Variants in CYP2S1 observed in about 807,000 individuals in gnomAD.
CYP2S1 encodes cytochrome P450 2S1.
CYP2S1 carries 32 observed loss-of-function variants against 43.5 expected under a neutral mutation model. The observed-to-expected ratio is 0.74, with a 90% confidence interval of 0.56 to 0.99. CYP2S1 has a LOEUF of 0.99. Ranked by LOEUF, CYP2S1 falls within the 50% of genes least tolerant of loss-of-function variation. The pLI is 0.00. For synonymous variants in CYP2S1, 283 were observed against 302.9 expected (o/e 0.93, Z 0.68); for missense variants, 575 against 673.9 (o/e 0.85, Z 1.62).
chr19:41,199,166 C>T (rs1263234048), intron 5 of CYP2S1, among the ~76,000 whole-genome samples: 1 of 152,098 alleles, frequency 6.6e-6, no homozygotes, highest in African/African-American at 2.4e-5. Context: ...CTCCCTCCCA[C>T]CTCGGCCCTT....
At chr19:41,195,377 G>C (rs937738929) in intron 2 of CYP2S1, among the ~76,000 whole-genome samples, 1 of 152,142 alleles carries the variant, frequency 6.6e-6, no homozygotes, top group Non-Finnish European at 1.5e-5. Context: ...GGTGCTGCCA[G>C]GAACTCAGTA....
At chr19:41,194,437 G>A in intron 1 of CYP2S1, 107 bp from the exon 2 acceptor site, 1 of 1,388,060 alleles carries the variant, frequency 7.2e-7, no homozygotes, top group Non-Finnish European at 9.6e-7. Context: ...CTGGTAGAGG[G>A]CGTAGAAGCT....
At position 41,193,414 on chromosome 19, in the gene CYP2S1, C is replaced by T. The variant is rs77508431; in HGVS notation, c.150C>T (p.Pro50=). The T allele has an allele frequency of 5.0e-5, 75 of 1,500,788 alleles. No individual in the cohort carries two copies. The East Asian group carries it at 1.8e-3, about 36-fold the overall frequency. The allele number at this position is 1,500,788 out of a possible 1,614,324, so 93.0% of individuals were successfully genotyped here. A position where few individuals can be genotyped will look rare whatever the true frequency, so the allele number is the denominator to read the frequency against. Residue 50 remains proline, a synonymous_variant, in exon 1 of 9, where the codon CCC becomes CCT. Transcript: ENST00000310054. ...PLLGNLLQLR[P]GALYSGLMRL... ...TGGGAAACCTCCTGCAGCTACGGCC[C>T]GGGGCGCTGTATTCAGGGCTCATGC...
chr19:41,195,114 T>TCAAA (rs950549790), intron 2 of CYP2S1, among the ~76,000 whole-genome samples: 3 of 152,074 alleles, frequency 2.0e-5, no homozygotes, highest in African/African-American at 7.2e-5. Context: ...AGCCTCCATC[T>TCAAA]CAAACAAACA....
In CYP2S1 at chr19:41,193,394, A is replaced by G; in HGVS notation, c.130A>G (p.Asn44Asp). The change falls in exon 1 of 9, where the codon AAC (asparagine) becomes GAC (aspartate). Residue 44 changes from asparagine to aspartate, a missense_variant. Asn to Asp is a conservative substitution (Grantham distance 23). Around this residue, in one of 2 missense-constraint regions of CYP2S1, gnomAD observed 353 missense variants for 367.6 expected, o/e 0.96. Transcript: ENST00000310054. ...PGPTPLPLLGNLLQLRPGALY... is the reference protein window; with the variant it reads ...PGPTPLPLLGDLLQLRPGALY... ...GCCCACGCCGCTACCACTGCTGGGAAACCTCCTGCAGCTACGGCCCGGGGC... is the reference window on the plus strand; with the variant it reads ...GCCCACGCCGCTACCACTGCTGGGAGACCTCCTGCAGCTACGGCCCGGGGC... 2 of 1,524,308 alleles carry G rather than the reference A, an allele frequency of 1.3e-6. No individual in the cohort carries two copies. The highest frequency in any genetic ancestry group is 2.1e-5 in the Admixed American group (1 of 47,782). 94.4% of individuals were successfully genotyped at this position (1,524,308 alleles called of 1,614,324 possible).
chr19:41,206,527 G>A lies in CYP2S1; in HGVS notation c.*39G>A, dbSNP rs775924089. The A allele has an allele frequency of 6.2e-7, 1 of 1,611,218 alleles. No homozygotes were observed. The highest frequency in any genetic ancestry group is 8.5e-7 in the Non-Finnish European group (1 of 1,177,682). ...GGAAGTGGTGGGTGCCCAGGACGGT[G>A]CCTCCAGCCTCAACAGTGGGCATGG... On this transcript the variant is annotated 3_prime_UTR_variant, in exon 9 of 9. Transcript: ENST00000310054.
intron 8 of CYP2S1, 77 bp downstream of exon 8, chr19:41,206,176 C>T (rs2033574275): frequency 6.2e-7 from 1 of 1,608,182 alleles, no homozygotes; most frequent in African/African-American, 1.3e-5. Flanking sequence ...GGGCACCCTT[C>T]TGCACCCTGG....
Position 41,206,298 on chromosome 19 carries a change from G to A in CYP2S1, c.1325G>A (p.Gly442Glu). The change falls in exon 9 of 9, where the codon GGA becomes GAA. Residue 442 changes from glycine (G) to glutamate (E), a missense_variant. By Grantham distance (98) the Gly-to-Glu change is moderately conservative (BLOSUM62 -2). Transcript: ENST00000310054. Reference sequence around the variant, plus strand: ...TCACCAGGGAAGCGTGTCTGCCTTGGAGAGGGCCTGGCAAAAGCGGAGCTC... The same window carrying A: ...TCACCAGGGAAGCGTGTCTGCCTTGAAGAGGGCCTGGCAAAAGCGGAGCTC... The part of the protein sequence containing the change: ...PFSLGKRVCL[G>E]EGLAKAELFL... 1 of 1,614,076 alleles carries A rather than the reference G, an allele frequency of 6.2e-7. No homozygotes were observed. Among genetic ancestry groups the A allele is most frequent in the Non-Finnish European group, 8.5e-7 (1 of 1,180,014 alleles).
chr19:41,201,433 A>G (rs1599714505), intron 6 of CYP2S1, 61 bp downstream of exon 6: 1 of 1,576,296 alleles, frequency 6.3e-7, no homozygotes, highest in East Asian at 2.3e-5. Flanking sequence ...AGGCTGAGCA[A>G]GGTGGCTCAC....
Position 41,198,502 on chromosome 19 carries a change from C to T in CYP2S1, c.534C>T (p.Thr178=). ...FDPSLLLAQA[T]SNVVCSLLFG... is the part of the protein sequence containing the mutation. ...CCTCCCTGCTGCTGGCCCAGGCCAC[C>T]TCCAACGTAGTCTGCTCCCTCCTCT... The change falls in exon 4 of 9, where the codon ACC becomes ACT. Residue 178 remains threonine (T), a synonymous_variant. Coordinates refer to ENST00000310054, the MANE Select transcript of CYP2S1 (RefSeq NM_030622.8). The surrounding 1 kb of genome is among the most constrained non-coding windows in gnomAD (Gnocchi z 4.9). The T allele has an allele frequency of 6.2e-7, 1 of 1,614,126 alleles. No individual in the cohort carries two copies. Among genetic ancestry groups the T allele is most frequent in the Non-Finnish European group, 8.5e-7 (1 of 1,180,002 alleles).
intron 1 of CYP2S1, 94 bp from the exon 2 acceptor site, chr19:41,194,447 TAGA>T: frequency 6.9e-7 from 1 of 1,440,488 alleles, no homozygotes; most frequent in Non-Finnish European, 9.2e-7. Flanking sequence ...GCGTAGAAGC[TAGA>T]CCCGGTGGCT....
intron 5 of CYP2S1, among the ~76,000 whole-genome samples, chr19:41,199,773 T>G (rs1448253264): frequency 6.6e-6 from 1 of 151,746 alleles, no homozygotes; most frequent in Non-Finnish European, 1.5e-5. Flanking sequence ...GAGACCAGCC[T>G]GACCAACATG....
chr19:41,205,342 T>TTTTTTTCTTTCTTTCTTTCTTTCTTTC (rs1555727534), intron 7 of CYP2S1, among the ~76,000 whole-genome samples: 1 of 111,654 alleles, frequency 9.0e-6, no homozygotes, highest in African/African-American at 4.6e-5. Flanking sequence ...TTCTTTCTTT[T>TTTTTTTCTTTCTTTCTTTCTTTCTTTC]TTTCTTTCTT....
rs111844943 is a variant in CYP2S1 at position 41,193,479 on chromosome 19, G to A, written c.177+38G>A. 1.1e-3 allele frequency: 1,473 copies of A among 1,397,726 alleles called. 19 individuals are homozygous for A. In the African/African-American group the frequency reaches 0.02, roughly 19 times the overall value. 86.6% of individuals were successfully genotyped at this position (1,397,726 alleles called of 1,614,324 possible). A position where few individuals can be genotyped will look rare whatever the true frequency, so the allele number is the denominator to read the frequency against. On this transcript the variant is annotated intron_variant, in intron 1 of 8. Coordinates refer to ENST00000310054, the MANE Select transcript of CYP2S1 (RefSeq NM_030622.8). ...GGGGACGTCCTGGCTAGGGGTGGGA[G>A]GATTCCTGGGAGAGAAACCCGAGTG...
Position 41,193,328 on chromosome 19 carries a change from G to T in CYP2S1, c.64G>T (p.Ala22Ser). The change falls in exon 1 of 9, where the codon GCG becomes TCG. Residue 22 changes from alanine (A) to serine (S), a missense_variant. Transcript: ENST00000310054. ...GGCGCTGCTCCTGCTGCTGACGCTG[G>T]CGCTGTCCGGGACCAGGGCCCGAGG... ...ALALLLLLTL[A>S]LSGTRARGHL... 4.5e-6 allele frequency: 7 copies of T among 1,541,222 alleles called. No homozygotes were observed. The highest frequency in any genetic ancestry group is 5.2e-6 in the Non-Finnish European group (6 of 1,143,628).
intron 7 of CYP2S1, 51 bp downstream of exon 7, chr19:41,203,688 C>G: frequency 6.9e-7 from 1 of 1,448,944 alleles, no homozygotes; most frequent in Non-Finnish European, 9.1e-7. Context: ...GGGGCCTGAG[C>G]CCGGGTGGTT....
chr19:41,198,563 C>T lies in CYP2S1; in HGVS notation c.595C>T (p.Gln199Ter), dbSNP rs181918511. 7.5e-5 allele frequency: 121 copies of T among 1,614,208 alleles called. 1 individual carries two copies. The highest frequency in any genetic ancestry group is 4.0e-5 in the African/African-American group (3 of 75,050). Residue 199 changes from glutamine to a stop codon, truncating the protein, a stop_gained, in exon 4 of 9, where the codon CAG becomes TAG. Coordinates refer to ENST00000310054, the MANE Select transcript of CYP2S1 (RefSeq NM_030622.8). LOFTEE classifies it high-confidence loss of function. The surrounding 1 kb of genome is among the most constrained non-coding windows in gnomAD (Gnocchi z 4.9). ...CTTCTCCTATGAGGATAAGGAGTTC[C>T]AGGCCGTGGTCCGGGCAGCTGGTGG... ...LRFSYEDKEF[Q>*]AVVRAAGGTL...
chr19:41,207,032 C>T lies in CYP2S1; in HGVS notation c.*544C>T, dbSNP rs1599717757. On this transcript the variant is annotated 3_prime_UTR_variant, in exon 9 of 9. Coordinates refer to ENST00000310054, the MANE Select transcript of CYP2S1 (RefSeq NM_030622.8). ...GCTACACCACTCTCCCAGCCTGTGACCACCGATGTCCACACACCCCCAACC... is the reference window on the plus strand; with the variant it reads ...GCTACACCACTCTCCCAGCCTGTGATCACCGATGTCCACACACCCCCAACC... 2.8e-6 allele frequency: 1 copy of T among 354,254 alleles called. No homozygotes were observed. Among genetic ancestry groups the T allele is most frequent in the South Asian group, 2.1e-5 (1 of 47,494 alleles). The allele number at this position is 354,254 out of a possible 1,614,324, so 21.9% of individuals were successfully genotyped here. A position where few individuals can be genotyped will look rare whatever the true frequency, so the allele number is the denominator to read the frequency against.
At position 41,201,280 on chromosome 19, in the gene CYP2S1, C is replaced by T; in HGVS notation, c.884C>T (p.Thr295Ile). ...TTCACCAACAAGAACATGCTGATGA[C>T]AGTCATTTATTTGCTGTTTGCTGGG... ...TEFTNKNMLMTVIYLLFAGTM... is the reference protein window; with the variant it reads ...TEFTNKNMLMIVIYLLFAGTM... The change falls in exon 6 of 9, where the codon ACA becomes ATA. Residue 295 changes from threonine (T) to isoleucine (I), a missense_variant. Around this residue, in one of 2 missense-constraint regions of CYP2S1, gnomAD observed 222 missense variants for 306.3 expected, o/e 0.72. Coordinates refer to ENST00000310054, the MANE Select transcript of CYP2S1 (RefSeq NM_030622.8). 2 of 1,614,164 alleles carry T rather than the reference C, an allele frequency of 1.2e-6. No homozygotes were observed. The highest frequency in any genetic ancestry group is 1.3e-5 in the African/African-American group (1 of 75,034).
Sources: gnomAD v4.1 joint callset for allele counts (sites outside exome capture counted in the v4.1 genomes callset) on GRCh38, gnomAD v4.1.1 for gene constraint, gnomAD v4.1.1 regional missense constraint, Gnocchi (gnomAD v3.1) non-coding constraint, MANE v1.5 for transcripts, NCBI Gene and HGNC (gene_info 2026-07-23, HGNC 2026-07-21) for gene names.